The following OTOF variants were observed in gnomAD, a reference collection of about 807,000 sequenced individuals.
The protein encoded by OTOF is fer-1-like family member 2.
In OTOF, 218 loss-of-function variants were observed where a neutral mutation model predicts 236.8. The observed-to-expected ratio is 0.92, with a 90% CI of 0.82 to 1.03. The LOEUF (loss-of-function observed/expected upper bound fraction) is 1.03. Ranked by LOEUF, OTOF falls within the 50% of genes least tolerant of loss-of-function variation. The pLI is 0.00. For missense variants in OTOF, 2,590 were observed against 2,694.4 expected (o/e 0.96, Z 0.86); for synonymous variants, 1,041 against 1,072.5 (o/e 0.97, Z 0.57).
intron 8 of OTOF, 35 bp from the exon 9 acceptor site, chr2:26,495,108 C>T (rs751366038): frequency 1.2e-6 from 2 of 1,613,344 alleles, no homozygotes; most frequent in South Asian, 2.2e-5. Flanking sequence ...AGAAGGAAAG[C>T]TGCCTGAGCC....
intron 14 of OTOF, among the ~76,000 whole-genome samples, chr2:26,481,484 T>C (rs187449975): frequency 4.6e-4 from 70 of 152,344 alleles, no homozygotes; most frequent in Non-Finnish European, 1.9e-4. Flanking sequence ...CACAAGTCCC[T>C]TCTCTTATGG....
chr2:26,464,679 G>T (rs1664641471), intron 39 of OTOF, among the ~76,000 whole-genome samples, 190 bp downstream of exon 39: 1 of 152,154 alleles, frequency 6.6e-6, no homozygotes, highest in Non-Finnish European at 1.5e-5. Context: ...CCTGTAGGAG[G>T]GGTGGAAGCA....
At position 26,476,147 on chromosome 2, in the gene OTOF, G is replaced by A. The variant is rs756600365; in HGVS notation, c.2847C>T (p.Pro949=). 1.4e-5 allele frequency: 22 copies of A among 1,611,072 alleles called. No individual in the cohort carries two copies. The highest frequency in any genetic ancestry group is 5.5e-5 in the South Asian group (5 of 91,012). ...AQGLGLHAFP[P]VSLVYTKKQA... ...ACTCACTGGTGTAGACCAGGCTGAC[G>A]GGTGGGAAGGCATGCAGGCCCAGGC... The change falls in exon 23 of 47, where the codon CCC becomes CCT. Residue 949 remains proline, a synonymous_variant. Transcript: ENST00000272371.
At position 26,463,489 on chromosome 2, in the gene OTOF, G is replaced by T; in HGVS notation, c.5186C>A (p.Pro1729His). The T allele has an allele frequency of 6.2e-7, 1 of 1,602,212 alleles. No homozygotes were observed. The highest frequency in any genetic ancestry group is 8.5e-7 in the Non-Finnish European group (1 of 1,174,640). Residue 1729 changes from proline (P) to histidine (H), a missense_variant, in exon 41 of 47, where the codon CCC becomes CAC. Pro to His is a moderately conservative substitution (Grantham distance 77). Transcript: ENST00000272371. ...TGGGCCCCAGGCCGCTCACTTCTTGGGCTTCCGAGGTGAGATGTCCAGAGG... is the reference window on the plus strand; with the variant it reads ...TGGGCCCCAGGCCGCTCACTTCTTGTGCTTCCGAGGTGAGATGTCCAGAGG... ...GTPLDISPRK[P>H]KKYELRVIIW...
intron 2 of OTOF, 28 bp from the exon 3 acceptor site, chr2:26,527,948 C>A (rs752470797): frequency 3.9e-6 from 6 of 1,554,930 alleles, no homozygotes; most frequent in Non-Finnish European, 5.3e-6. Flanking sequence ...ACTGCGGCTT[C>A]GGTGGCAATA....
rs887413640 is a variant in OTOF at position 26,537,585 on chromosome 2, G to A, written c.138+131C>T. The A allele has an allele frequency of 9.6e-6, 7 of 727,694 alleles. No individual in the cohort carries two copies. In the African/African-American group the frequency reaches 1.2e-4, roughly 13 times the overall value. 45.1% of individuals were successfully genotyped at this position (727,694 alleles called of 1,614,324 possible). On this transcript the variant is annotated intron_variant, in intron 2 of 46. Transcript: ENST00000272371. ...TTACCACCTCCTTCAGGAAGCAGCT[G>A]AGAGGTGAGGGGCTCAGAGCAGGCC...
intron 9 of OTOF, among the ~76,000 whole-genome samples, chr2:26,493,802 G>A (rs1467175109): frequency 6.6e-6 from 1 of 152,178 alleles, no homozygotes; most frequent in African/African-American, 2.4e-5. Flanking sequence ...GCGACGTCAG[G>A]GAAGATTGTA....
intron 2 of OTOF, among the ~76,000 whole-genome samples, chr2:26,535,798 C>A (rs1014919421): frequency 1.3e-5 from 2 of 152,168 alleles, no homozygotes; most frequent in Admixed American, 6.5e-5. Flanking sequence ...TTGTTCAGGG[C>A]CAGCAGAGAC....
At position 26,461,724 on chromosome 2, in the gene OTOF, C is replaced by A. The variant is rs368190044; in HGVS notation, c.5505G>T (p.Ala1835=). ...GGAAGTCGTCAGCGGAGAAGTGGTC[C>A]GCATCCCAGATCTGCAGGGTGAGCC... ...PARLTLQIWD[A]DHFSADDFLG... Residue 1835 remains alanine, a synonymous_variant, in exon 43 of 47, where the codon GCG becomes GCT. Transcript: ENST00000272371. This position sits in a 1 kb window ranked among gnomAD's most constrained non-coding sequence, Gnocchi z 6.2. 1.2e-6 allele frequency: 2 copies of A among 1,614,022 alleles called. No individual in the cohort carries two copies. The highest frequency in any genetic ancestry group is 1.7e-6 in the Non-Finnish European group (2 of 1,180,040).
intron 8 of OTOF, among the ~76,000 whole-genome samples, chr2:26,499,754 G>A (rs1666074040): frequency 6.6e-6 from 1 of 152,106 alleles, no homozygotes; most frequent in Non-Finnish European, 1.5e-5. Context: ...CTCGGCCTCT[G>A]AAAGTGCTGG....
chr2:26,479,625 C>A lies in OTOF; in HGVS notation c.1941G>T (p.Leu647=). 6.2e-7 allele frequency: 1 copy of A among 1,612,668 alleles called. No individual in the cohort carries two copies. The highest frequency in any genetic ancestry group is 8.5e-7 in the Non-Finnish European group (1 of 1,179,824). ...GGGGCCGAGGCCGCTGGGGCCGGGA[C>A]AGGCCATCAACTTCGTTCCCATAGT... is the stretch of plus-strand genomic sequence containing the variant. The part of the protein sequence containing the change: ...IGNYGNEVDG[L]SRPQRPRPRK... Residue 647 remains leucine (L), a synonymous_variant, in exon 17 of 47, where the codon CTG becomes CTT. Coordinates refer to ENST00000272371, the MANE Select transcript of OTOF (RefSeq NM_194248.3).
chr2:26,516,550 C>A lies in OTOF; in HGVS notation c.377G>T (p.Gly126Val). 6.2e-7 allele frequency: 1 copy of A among 1,612,150 alleles called. No individual in the cohort carries two copies. Among genetic ancestry groups the A allele is most frequent in the Non-Finnish European group, 8.5e-7 (1 of 1,179,984 alleles). The change falls in exon 5 of 47, where the codon GGC becomes GTC. Residue 126 changes from glycine (G) to valine (V), a missense_variant. Coordinates refer to ENST00000272371, the MANE Select transcript of OTOF (RefSeq NM_194248.3). ...CAGGAAGTCCCCATCGTCCCAGGAG[C>A]CCACTGTGCCGTCAGTGGCCTGATA... ...VRYQATDGTV[G>V]SWDDGDFLGD...
At position 26,473,134 on chromosome 2, in the gene OTOF, G is replaced by T. The variant is rs368293095; in HGVS notation, c.3731C>A (p.Thr1244Lys). Residue 1244 changes from threonine (T) to lysine (K), a missense_variant and splice_region_variant, in exon 29 of 47, where the codon ACG becomes AAG. Around this residue, in one of 2 missense-constraint regions of OTOF, gnomAD observed 1,211 missense variants for 1,352.8 expected, o/e 0.90. Coordinates refer to ENST00000272371, the MANE Select transcript of OTOF (RefSeq NM_194248.3). The surrounding 1 kb of genome is among the most constrained non-coding windows in gnomAD (Gnocchi z 7.2). ...TGGCAGGGTGGATGTGGCCATACCC[G>T]TGGTGTTCCAGCTGGGGGCCGAGCG... Reference protein sequence around the residue: ...PDRSAPSWNTTVRLLRRCRVL... With the variant: ...PDRSAPSWNTKVRLLRRCRVL... The T allele has an allele frequency of 6.2e-7, 1 of 1,611,850 alleles. No homozygotes were observed. Among genetic ancestry groups the T allele is most frequent in the South Asian group, 1.1e-5 (1 of 91,018 alleles).
chr2:26,533,905 A>C (rs530820300), intron 2 of OTOF, among the ~76,000 whole-genome samples: 1 of 152,114 alleles, frequency 6.6e-6, no homozygotes, highest in Non-Finnish European at 1.5e-5. Context: ...TACAAGCAGA[A>C]AGGGGCAGAT....
rs769631334 is a variant in OTOF at position 26,483,658 on chromosome 2, C to T, written c.1206-10G>A. On this transcript the variant is annotated splice_polypyrimidine_tract_variant and intron_variant, in intron 12 of 46. Transcript: ENST00000272371. ...GGGGAGCAGCAAGTTCCTGCCAGCA[C>T]ATACAGCCAGGGCCATGGTCACCAG... 10 of 1,611,118 alleles carry T rather than the reference C, an allele frequency of 6.2e-6. No individual in the cohort carries two copies. The highest frequency in any genetic ancestry group is 6.8e-6 in the Non-Finnish European group (8 of 1,179,578).
rs1664453562 is a variant in OTOF at position 26,461,331 on chromosome 2, A to G, written c.5534-301T>C. Among the ~76,000 whole-genome samples, 2 of 152,106 alleles carry G rather than the reference A, an allele frequency of 1.3e-5. No homozygotes were observed. Among genetic ancestry groups the G allele is most frequent in the Admixed American group, 6.5e-5 (1 of 15,282 alleles). On this transcript the variant is annotated intron_variant, in intron 43 of 46. Transcript: ENST00000272371. This position sits in a 1 kb window ranked among gnomAD's most constrained non-coding sequence, Gnocchi z 6.2. ...CTGTCAAAGTCCTGCTAATCCCACA[A>G]GCTTTTGCAGATGCAGATTAGAGTT...
intron 11 of OTOF, among the ~76,000 whole-genome samples, chr2:26,488,276 T>C (rs1665748097): frequency 6.6e-6 from 1 of 152,222 alleles, no homozygotes; most frequent in South Asian, 2.1e-4. Flanking sequence ...TACATTACTG[T>C]TTTGTGAGGG....
In OTOF at chr2:26,470,683, G is replaced by A. The variant is rs146500587; in HGVS notation, c.3933C>T (p.Gly1311=). ...CCTCCTCCTCTGGCTCCTCCGCAGT[G>A]CCCTTCTTCTTCTTCTTCTTCTCCT... ...EEKEKKKKKK[G]TAEEPEEEEP... is the part of the protein sequence containing the mutation. The change falls in exon 32 of 47, where the codon GGC becomes GGT. Residue 1311 remains glycine (G), a synonymous_variant. Transcript: ENST00000272371. This position sits in a 1 kb window ranked among gnomAD's most constrained non-coding sequence, Gnocchi z 4.3. 1.4e-5 allele frequency: 23 copies of A among 1,612,612 alleles called. No individual in the cohort carries two copies. Among genetic ancestry groups the A allele is most frequent in the Non-Finnish European group, 1.9e-5 (22 of 1,178,788 alleles).
intron 6 of OTOF, among the ~76,000 whole-genome samples, chr2:26,502,799 C>A (rs1358499385): frequency 6.6e-6 from 1 of 152,214 alleles, no homozygotes; most frequent in South Asian, 2.1e-4. Flanking sequence ...AACACCAGGA[C>A]TTTACATGAC....
Sources: gnomAD v4.1 joint callset for allele counts (sites outside exome capture counted in the v4.1 genomes callset) on GRCh38, gnomAD v4.1.1 for gene constraint, gnomAD v4.1.1 regional missense constraint, Gnocchi (gnomAD v3.1) non-coding constraint, MANE v1.5 for transcripts, NCBI Gene and HGNC (gene_info 2026-07-23, HGNC 2026-07-21) for gene names.